AGBL4: variants seen among roughly 807,000 people sequenced by gnomAD.
AGBL4 encodes the protein AGBL carboxypeptidase 4.
AGBL4 carries 58 observed loss-of-function variants against 66.4 expected under a neutral mutation model. The observed-to-expected ratio is 0.87, with a 90% CI of 0.71 to 1.09. AGBL4 has a LOEUF of 1.09. Among genes scored for constraint, AGBL4 ranks in the 50% least tolerant of loss-of-function variants. The pLI, the probability that AGBL4 is intolerant of heterozygous loss-of-function variation, is 0.00. For synonymous variants in AGBL4, 234 were observed against 222.9 expected (o/e 1.05, Z -0.44); for missense variants, 579 against 631.0 (o/e 0.92, Z 0.88).
chr1:48,540,269 C>T (rs1008999005), intron 11 of AGBL4, among the ~76,000 whole-genome samples: 1 of 152,160 alleles, frequency 6.6e-6, no homozygotes, highest in Admixed American at 6.5e-5. Flanking sequence ...CCTTGAAATT[C>T]CTCTGACAAT....
chr1:49,769,985 G>T (rs1358071867), intron 2 of AGBL4, among the ~76,000 whole-genome samples: 2 of 152,154 alleles, frequency 1.3e-5, no homozygotes, highest in Admixed American at 1.3e-4. Context: ...AAACTAAAGA[G>T]CTTATGCACA....
chr1:49,922,936 GA>G (rs1423112700), intron 1 of AGBL4, among the ~76,000 whole-genome samples: 3 of 152,050 alleles, frequency 2.0e-5, no homozygotes, highest in African/African-American at 7.2e-5. Flanking sequence ...TTAGCATTGA[GA>G]TTCTTCACAG....
At chr1:49,283,913 G>A (rs1427048899) in intron 3 of AGBL4, among the ~76,000 whole-genome samples, 6 of 145,850 alleles carry the variant, frequency 4.1e-5, no homozygotes, top group Non-Finnish European at 7.6e-5. Flanking sequence ...TGAAAGTGAC[G>A]GGGAGAATGG....
Position 48,845,997 on chromosome 1 carries a change from G to C in AGBL4, c.634+21194C>G, listed in dbSNP as rs1646900533. Among the ~76,000 whole-genome samples the C allele has an allele frequency of 2.6e-5, 4 of 152,160 alleles. No homozygotes were observed. In the South Asian group the frequency reaches 8.3e-4, roughly 32 times the overall value. On this transcript the variant is annotated intron_variant, in intron 6 of 13. Transcript: ENST00000371839. ...ATAGGCTGAAGTATCTGGTCTAGTG[G>C]AGGCCAATGTGGTAGGAAGTCCAGG...
intron 8 of AGBL4, 35 bp from the exon 9 acceptor site, chr1:48,634,639 A>T (rs1255051601): frequency 6.8e-7 from 1 of 1,475,106 alleles, no homozygotes; most frequent in African/African-American, 1.4e-5. Flanking sequence ...CAATATAGAC[A>T]GGATAAGCTG....
intron 2 of AGBL4, among the ~76,000 whole-genome samples, chr1:49,766,906 T>C (rs1446279846): frequency 6.6e-6 from 1 of 152,122 alleles, no homozygotes. Context: ...GACTGAACTA[T>C]CCTAAATTTA....
At chr1:49,860,242 T>G (rs1646534878) in intron 1 of AGBL4, among the ~76,000 whole-genome samples, 1 of 152,110 alleles carries the variant, frequency 6.6e-6, no homozygotes, top group Non-Finnish European at 1.5e-5. Flanking sequence ...CAAAGCAATT[T>G]TGGAAAAAAA....
intron 6 of AGBL4, among the ~76,000 whole-genome samples, chr1:48,861,420 A>C (rs895715558): frequency 6.6e-6 from 1 of 152,212 alleles, no homozygotes; most frequent in African/African-American, 2.4e-5. Context: ...TCAGAGTATC[A>C]AGCAGGATAA....
chr1:49,635,658 C>T (rs990302405), intron 3 of AGBL4, among the ~76,000 whole-genome samples: 1 of 152,098 alleles, frequency 6.6e-6, no homozygotes, highest in Non-Finnish European at 1.5e-5. Context: ...TGTTTTAAAT[C>T]ATTAGGAAAA....
At chr1:48,694,661 C>T (rs1646686967) in intron 6 of AGBL4, among the ~76,000 whole-genome samples, 1 of 152,154 alleles carries the variant, frequency 6.6e-6, no homozygotes, top group Non-Finnish European at 1.5e-5. Context: ...CATGCTTAGG[C>T]ATTCATTCAT....
chr1:49,104,173 A>G (rs1645252809), intron 4 of AGBL4, among the ~76,000 whole-genome samples: 1 of 152,210 alleles, frequency 6.6e-6, no homozygotes, highest in Non-Finnish European at 1.5e-5. Context: ...GCTAACCTCA[A>G]ATGGTTCCTC....
chr1:49,193,830 G>A (rs1312197437), intron 4 of AGBL4, among the ~76,000 whole-genome samples: 1 of 152,148 alleles, frequency 6.6e-6, no homozygotes, highest in Non-Finnish European at 1.5e-5. Context: ...ACCGTGCCCA[G>A]CCTTGGTATT....
At chr1:49,905,440 A>C (rs3934661) in intron 1 of AGBL4, among the ~76,000 whole-genome samples, 10,461 of 152,218 alleles carry the variant, frequency 0.069, 1,130 homozygotes, top group African/African-American at 0.23. Context: ...AACCAACATG[A>C]AGCAAGTCAA....
rs7414747 is a variant in AGBL4 at position 49,187,197 on chromosome 1, C to A, written c.377+58573G>T. On this transcript the variant is annotated intron_variant, in intron 4 of 13. Transcript: ENST00000371839. ...TTCTTGTGCCAGCTGTCTCTTTTCT[C>A]CAACTCACATTCACACAATATGCCT... is the stretch of plus-strand genomic sequence containing the variant. The A allele has an allele frequency of 2.6e-5, 4 of 152,116 alleles. No individual in the cohort carries two copies. The East Asian group carries it at 7.7e-4, about 29-fold the overall frequency. 9.4% of individuals were successfully genotyped at this position (152,116 alleles called of 1,614,324 possible). A position where few individuals can be genotyped will look rare whatever the true frequency, so the allele number is the denominator to read the frequency against.
At chr1:50,023,688 C>T in intron 1 of AGBL4, 75 bp downstream of exon 1, 2 of 1,491,584 alleles carry the variant, frequency 1.3e-6, no homozygotes, top group South Asian at 1.3e-5. Flanking sequence ...AGGACCATGC[C>T]CGAGTCCCCT....
chr1:49,045,376 C>A (rs749261901), intron 5 of AGBL4, among the ~76,000 whole-genome samples: 1 of 152,022 alleles, frequency 6.6e-6, no homozygotes, highest in Non-Finnish European at 1.5e-5. Flanking sequence ...TGCCCACAGT[C>A]GCAATAAATC....
intron 3 of AGBL4, among the ~76,000 whole-genome samples, chr1:49,666,747 A>G (rs1646378209): frequency 6.6e-6 from 1 of 152,134 alleles, no homozygotes; most frequent in Admixed American, 6.6e-5. Context: ...TTTTACATGT[A>G]TTATTTAATA....
intron 3 of AGBL4, among the ~76,000 whole-genome samples, chr1:49,340,576 C>A (rs571930950): frequency 6.6e-5 from 10 of 152,176 alleles, no homozygotes; most frequent in Non-Finnish European, 1.3e-4. Flanking sequence ...GAAACCTCAA[C>A]TTAAATTTCT....
chr1:49,764,373 T>A (rs765490270), intron 2 of AGBL4, among the ~76,000 whole-genome samples: 1 of 152,094 alleles, frequency 6.6e-6, no homozygotes, highest in Non-Finnish European at 1.5e-5. Context: ...AGAGGCCTTC[T>A]GAAAACCAAA....
Sources: gnomAD v4.1 joint callset for allele counts (sites outside exome capture counted in the v4.1 genomes callset) on GRCh38, gnomAD v4.1.1 for gene constraint, MANE v1.5 for transcripts, NCBI Gene and HGNC (gene_info 2026-07-23, HGNC 2026-07-21) for gene names.